Variants in WDR49 observed in about 807,000 individuals in gnomAD.
WDR49 encodes the protein WD repeat domain 49.
In WDR49, 107 loss-of-function variants were observed where a neutral mutation model predicts 119.5. The ratio of observed to expected loss-of-function variants is 0.90; its 90% CI spans 0.77 to 1.05. The LOEUF is 1.05. Ranked by LOEUF, WDR49 falls within the 50% of genes least tolerant of loss-of-function variation. The probability of loss-of-function intolerance (pLI) is 0.00; values close to 1 mark genes in which losing one functional copy is unlikely to be tolerated. For missense variants in WDR49, 1,240 were observed against 1,220.5 expected, an observed-to-expected ratio of 1.02 and a Z score of -0.24; for synonymous variants, 425 against 418.8, an observed-to-expected ratio of 1.01 and a Z score of -0.18.
chr3:167,634,056 T>C (rs1717501675), intron 2 of WDR49, among the ~76,000 whole-genome samples: 1 of 152,032 alleles, frequency 6.6e-6, no homozygotes, highest in African/African-American at 2.4e-5. Context: ...GTTTAATTAC[T>C]ATGGCTTTAA....
chr3:167,493,436 TC>T (rs1751228211), intron 18 of WDR49, among the ~76,000 whole-genome samples: 1 of 152,178 alleles, frequency 6.6e-6, no homozygotes, highest in Admixed American at 6.5e-5. Flanking sequence ...AAACAGCACC[TC>T]CCTGTGGATA....
intron 7 of WDR49, 47 bp from the exon 8 acceptor site, chr3:167,576,198 T>C: frequency 1.3e-6 from 2 of 1,549,050 alleles, no homozygotes; most frequent in South Asian, 2.3e-5. Context: ...AAGATAATTG[T>C]AATCTTTTAG....
chr3:167,503,176 G>A (rs1172683701), intron 17 of WDR49, among the ~76,000 whole-genome samples: 1 of 152,206 alleles, frequency 6.6e-6, no homozygotes, highest in Non-Finnish European at 1.5e-5. Context: ...TGGCTTCCAC[G>A]TGGTGTTAAG....
intron 9 of WDR49, 146 bp downstream of exon 9, chr3:167,559,918 G>T: frequency 6.9e-6 from 5 of 728,112 alleles, no homozygotes; most frequent in Non-Finnish European, 1.1e-5. Context: ...TTATTAGATG[G>T]TTGGAGTTAT....
intron 10 of WDR49, among the ~76,000 whole-genome samples, chr3:167,549,699 T>G (rs956052518): frequency 6.6e-6 from 1 of 152,176 alleles, no homozygotes. Context: ...TTAGTTTAAT[T>G]AGATCCCATT....
intron 8 of WDR49, 137 bp downstream of exon 8, chr3:167,575,781 C>T: frequency 1.2e-6 from 1 of 829,386 alleles, no homozygotes; most frequent in Non-Finnish European, 1.9e-6. Context: ...CAGAAAAGCA[C>T]ATGGCTATTA....
chr3:167,653,133 T>G, intron 2 of WDR49, 128 bp downstream of exon 2: 1 of 1,113,346 alleles, frequency 9.0e-7, no homozygotes, highest in South Asian at 1.5e-5. Flanking sequence ...CCTAACCAAT[T>G]ATTTTTAATT....
chr3:167,506,006 T>A (rs1377982634), intron 16 of WDR49, among the ~76,000 whole-genome samples: 3 of 152,202 alleles, frequency 2.0e-5, no homozygotes, highest in Non-Finnish European at 4.4e-5. Context: ...TCAAATCTAT[T>A]TAAAATTCAC....
At chr3:167,485,573 T>A (rs1750888481) in intron 18 of WDR49, among the ~76,000 whole-genome samples, 1 of 151,960 alleles carries the variant, frequency 6.6e-6, no homozygotes, top group East Asian at 1.9e-4. Flanking sequence ...AGAACCCAAA[T>A]GAACTTCTAG....
intron 7 of WDR49, among the ~76,000 whole-genome samples, chr3:167,583,308 G>A (rs1397653123): frequency 6.6e-6 from 1 of 151,786 alleles, no homozygotes; most frequent in Admixed American, 6.6e-5. Context: ...AAAATCAAAA[G>A]CAGCTACAGC....
In WDR49 at chr3:167,478,886, T is replaced by G. The variant is rs754057980; in HGVS notation, c.3142A>C (p.Lys1048Gln). The G allele has an allele frequency of 1.2e-6, 2 of 1,602,200 alleles. No individual in the cohort carries two copies. The highest frequency in any genetic ancestry group is 3.5e-5 in the Admixed American group (2 of 57,552). ...QEKSCEVKKN[K>Q]K ...AGGTTTTTCTGTTGTAATTACTTCTTATTTTTCTTCACTTCACAACTTTTT... is the reference window on the plus strand; with the variant it reads ...AGGTTTTTCTGTTGTAATTACTTCTGATTTTTCTTCACTTCACAACTTTTT... Residue 1048 changes from lysine (K) to glutamine (Q), a missense_variant, in exon 19 of 19, where the codon AAG becomes CAG. Coordinates refer to ENST00000682715, the MANE Select transcript of WDR49 (RefSeq NM_001366157.1).
At chr3:167,599,042 G>A (rs1231561319) in intron 7 of WDR49, among the ~76,000 whole-genome samples, 1 of 152,172 alleles carries the variant, frequency 6.6e-6, no homozygotes, top group Non-Finnish European at 1.5e-5. Context: ...TATGAAGCCA[G>A]CACAGCACTG....
intron 18 of WDR49, among the ~76,000 whole-genome samples, chr3:167,494,223 C>G (rs1394020810): frequency 6.6e-6 from 1 of 152,046 alleles, no homozygotes; most frequent in Admixed American, 6.6e-5. Flanking sequence ...CAGATATAAA[C>G]AAATAGTAGA....
Position 167,554,721 on chromosome 3 carries a change from G to C in WDR49, c.1752C>G (p.Leu584=). 6.2e-7 allele frequency: 1 copy of C among 1,613,386 alleles called. No homozygotes were observed. The highest frequency in any genetic ancestry group is 8.5e-7 in the Non-Finnish European group (1 of 1,179,690). Residue 584 remains leucine, a synonymous_variant, in exon 10 of 19, where the codon CTC becomes CTG. Coordinates refer to ENST00000682715, the MANE Select transcript of WDR49 (RefSeq NM_001366157.1). ...TAACCAGTATTTTCTTCTTAAGAAT[G>C]AGGATTTGTGAAATATCCACAGCTC... ...QDGAVDISQI[L]ILKKKILVTG...
intron 5 of WDR49, among the ~76,000 whole-genome samples, chr3:167,613,631 C>T (rs1308099175): frequency 6.6e-6 from 1 of 152,130 alleles, no homozygotes; most frequent in African/African-American, 2.4e-5. Context: ...AATTTTCTGG[C>T]ACTTGTTCCA....
chr3:167,618,113 A>C (rs1418621255), intron 5 of WDR49, among the ~76,000 whole-genome samples: 1 of 151,926 alleles, frequency 6.6e-6, no homozygotes, highest in South Asian at 2.1e-4. Context: ...TATTTTGCTC[A>C]TGTTGCCCAC....
chr3:167,551,114 G>A (rs1047840698), intron 10 of WDR49, among the ~76,000 whole-genome samples: 15 of 152,068 alleles, frequency 9.9e-5, no homozygotes, highest in Admixed American at 5.3e-4. Context: ...AGATATGAAT[G>A]ACTGTATTCC....
At chr3:167,622,669 G>C (rs1019632030) in intron 3 of WDR49, among the ~76,000 whole-genome samples, 7 of 152,046 alleles carry the variant, frequency 4.6e-5, no homozygotes, top group South Asian at 2.1e-4. Flanking sequence ...CAACTGAGCT[G>C]AAGATCGGTA....
intron 15 of WDR49, among the ~76,000 whole-genome samples, chr3:167,524,124 G>C (rs1454097874): frequency 6.6e-6 from 1 of 152,096 alleles, no homozygotes; most frequent in East Asian, 1.9e-4. Context: ...TTATGGTTTT[G>C]ATATGCATTT....
Sources: allele counts gnomAD v4.1 joint callset (sites outside exome capture counted in the v4.1 genomes callset), GRCh38; gene constraint gnomAD v4.1.1; transcripts MANE v1.5; gene names NCBI Gene and HGNC (gene_info 2026-07-23, HGNC 2026-07-21).